BMERB1: variants seen among roughly 807,000 people sequenced by gnomAD.
BMERB1 encodes bMERB domain containing 1.
In BMERB1, 12 loss-of-function variants were observed where a neutral mutation model predicts 23.6. The observed-to-expected ratio is 0.51, with a 90% CI of 0.33 to 0.82. BMERB1 has a LOEUF of 0.82. BMERB1 is among the 40% of genes least tolerant of loss of function. The probability of loss-of-function intolerance (pLI) is 0.03; values close to 1 mark genes in which losing one functional copy is unlikely to be tolerated. For missense variants in BMERB1, 247 were observed against 255.4 expected (o/e 0.97, Z 0.22); for synonymous variants, 122 against 96.6 (o/e 1.26, Z -1.54).
chr16:15,465,927 T>A (rs1244310533), intron 1 of BMERB1, among the ~76,000 whole-genome samples: 1 of 152,240 alleles, frequency 6.6e-6, no homozygotes, highest in Non-Finnish European at 1.5e-5. Flanking sequence ...ATTCTTTTAA[T>A]TTTTTAACTG....
chr16:15,434,922 G>A (rs974402374), intron 1 of BMERB1, among the ~76,000 whole-genome samples, 163 bp downstream of exon 1: 1 of 152,250 alleles, frequency 6.6e-6, no homozygotes, highest in African/African-American at 2.4e-5. Flanking sequence ...GCAGCGACGC[G>A]CTCTCCCCGC....
intron 1 of BMERB1, among the ~76,000 whole-genome samples, chr16:15,465,965 A>G (rs1054439303): frequency 1.3e-5 from 2 of 152,214 alleles, no homozygotes; most frequent in African/African-American, 4.8e-5. Flanking sequence ...AGGTGAATAT[A>G]CCACAAATTC....
At chr16:15,521,084 TC>T (rs2051847673) in intron 2 of BMERB1, among the ~76,000 whole-genome samples, 3 of 152,202 alleles carry the variant, frequency 2.0e-5, no homozygotes. Context: ...CTATGTAAAC[TC>T]CTAGTTTTAG....
intron 1 of BMERB1, among the ~76,000 whole-genome samples, chr16:15,463,584 A>C (rs1161866129): frequency 6.6e-6 from 1 of 151,986 alleles, no homozygotes; most frequent in East Asian, 1.9e-4. Context: ...TCTTACTCAC[A>C]CTCTGAGACT....
At chr16:15,455,616 A>G (rs2051080137) in intron 1 of BMERB1, among the ~76,000 whole-genome samples, 1 of 151,644 alleles carries the variant, frequency 6.6e-6, no homozygotes. Context: ...ATGTGCCGCC[A>G]CACCTGGATA....
chr16:15,479,717 TAGA>T (rs767491176), intron 1 of BMERB1, among the ~76,000 whole-genome samples: 2 of 151,942 alleles, frequency 1.3e-5, no homozygotes, highest in African/African-American at 2.4e-5. Flanking sequence ...TTTTGAAAAA[TAGA>T]AGATTTTAAA....
intron 1 of BMERB1, chr16:15,448,153 G>C (rs1044988305): frequency 3.2e-6 from 1 of 312,412 alleles, no homozygotes; most frequent in Non-Finnish European, 6.3e-6. Context: ...GCCTGCCAAC[G>C]CGCTGGGATT....
chr16:15,562,497 G>T lies in BMERB1; in HGVS notation c.231-5486G>T, dbSNP rs142218949. On this transcript the variant is annotated intron_variant, in intron 2 of 5. Transcript: ENST00000300006. ...ACCTCTCAAAAATTATCAATAATTTGATAATTCTGTGGTTAGAATCCAAGA... is the reference window on the plus strand; with the variant it reads ...ACCTCTCAAAAATTATCAATAATTTTATAATTCTGTGGTTAGAATCCAAGA... Among the ~76,000 whole-genome samples, 600 of 151,848 alleles carry T rather than the reference G, an allele frequency of 4.0e-3. 5 individuals carry two copies. The highest frequency in any genetic ancestry group is 0.014 in the African/African-American group (577 of 41,370).
chr16:15,496,144 A>G (rs2051471129), intron 1 of BMERB1, among the ~76,000 whole-genome samples: 1 of 146,478 alleles, frequency 6.8e-6, no homozygotes, highest in Non-Finnish European at 1.5e-5. Context: ...GATAATGGTG[A>G]CGATGACAGT....
intron 1 of BMERB1, among the ~76,000 whole-genome samples, chr16:15,470,686 T>C (rs12449043): frequency 0.91 from 137,514 of 151,722 alleles, 63,841 homozygotes; most frequent in East Asian, 1. Context: ...CCACCACGCC[T>C]GGCTAATTTT....
intron 3 of BMERB1, among the ~76,000 whole-genome samples, chr16:15,579,098 G>A (rs2030944402): frequency 6.6e-6 from 1 of 152,218 alleles, no homozygotes; most frequent in Admixed American, 6.5e-5. Context: ...GAGGTTTGCA[G>A]ATGTTGGGGG....
chr16:15,516,282 G>C (rs988621414), intron 2 of BMERB1, among the ~76,000 whole-genome samples: 2 of 151,662 alleles, frequency 1.3e-5, no homozygotes, highest in Non-Finnish European at 2.9e-5. Flanking sequence ...TTAGCTGTGT[G>C]TGGCTGTGTG....
intron 1 of BMERB1, among the ~76,000 whole-genome samples, chr16:15,447,237 C>T (rs984240270): frequency 6.6e-6 from 1 of 152,166 alleles, no homozygotes; most frequent in Non-Finnish European, 1.5e-5. Context: ...CACAGTTCCA[C>T]CTGGCCGAAG....
chr16:15,465,360 T>A (rs1039398129), intron 1 of BMERB1, among the ~76,000 whole-genome samples: 9 of 151,720 alleles, frequency 5.9e-5, no homozygotes, highest in African/African-American at 1.9e-4. Context: ...TATATTTTTT[T>A]TTTTTTTTTT....
intron 2 of BMERB1, among the ~76,000 whole-genome samples, chr16:15,536,303 G>T (rs372429409): frequency 2.2e-4 from 33 of 151,896 alleles, no homozygotes; most frequent in Non-Finnish European, 8.8e-5. Flanking sequence ...ACCAACAGCA[G>T]CCCCCCCGCC....
chr16:15,544,752 C>T (rs1708275156), intron 2 of BMERB1, among the ~76,000 whole-genome samples: 1 of 152,148 alleles, frequency 6.6e-6, no homozygotes. Context: ...ACAAAAATCA[C>T]CCAATAGCCC....
intron 4 of BMERB1, among the ~76,000 whole-genome samples, chr16:15,581,832 C>A (rs77843562): frequency 4.5e-4 from 68 of 152,312 alleles, no homozygotes; most frequent in African/African-American, 1.6e-3. Flanking sequence ...AGCCCTGGAG[C>A]TGCAGTGTAA....
chr16:15,577,079 C>T (rs915558855), intron 3 of BMERB1: 1 of 152,150 alleles, frequency 6.6e-6, no homozygotes, highest in Non-Finnish European at 1.5e-5. Context: ...TCTTATCATG[C>T]AAATGAACTT....
At chr16:15,564,718 G>T in intron 2 of BMERB1, among the ~76,000 whole-genome samples, 1 of 152,282 alleles carries the variant, frequency 6.6e-6, no homozygotes, top group Middle Eastern at 3.4e-3. Context: ...TGAAATCCCT[G>T]TTGCTACATT....
Sources: gnomAD v4.1 joint callset for allele counts (sites outside exome capture counted in the v4.1 genomes callset) on GRCh38, gnomAD v4.1.1 for gene constraint, MANE v1.5 for transcripts, NCBI Gene and HGNC (gene_info 2026-07-23, HGNC 2026-07-21) for gene names.